Variants in FPR3 observed in about 807,000 individuals in gnomAD.
FPR3 encodes the protein formyl peptide receptor 3.
For missense variants in FPR3, 346 were observed against 443.2 expected (o/e 0.78, Z 1.97); for synonymous variants, 135 against 163.6 (o/e 0.83, Z 1.34).
intron 1 of FPR3, among the ~76,000 whole-genome samples, chr19:51,798,417 C>A (rs1367107927): frequency 2.6e-5 from 4 of 152,084 alleles, no homozygotes; most frequent in Non-Finnish European, 5.9e-5. Context: ...AGCTGAGAAA[C>A]CCTGAGCTAC....
At chr19:51,798,651 A>G (rs541734347) in intron 1 of FPR3, among the ~76,000 whole-genome samples, 1 of 152,206 alleles carries the variant, frequency 6.6e-6, no homozygotes, top group Non-Finnish European at 1.5e-5. Context: ...CTGACTGGCT[A>G]GGTATGATGC....
At chr19:51,812,705 T>C (rs1265345310) in intron 1 of FPR3, among the ~76,000 whole-genome samples, 1 of 152,192 alleles carries the variant, frequency 6.6e-6, no homozygotes, top group Non-Finnish European at 1.5e-5. Context: ...GGTGCAGCAT[T>C]ACATTGAGGA....
chr19:51,805,763 C>A (rs557813525), intron 1 of FPR3, among the ~76,000 whole-genome samples: 1 of 152,150 alleles, frequency 6.6e-6, no homozygotes, highest in Non-Finnish European at 1.5e-5. Context: ...CAGAGGACAT[C>A]ACAACAGAAG....
Position 51,823,689 on chromosome 19 carries a change from T to C in FPR3, c.-10-50T>C, listed in dbSNP as rs868227413. ...CAGTGGAAGTTAATGAATAGTTGTATTGTAAGATGGTGTCACAGCTGAGAA... is the reference window on the plus strand; with the variant it reads ...CAGTGGAAGTTAATGAATAGTTGTACTGTAAGATGGTGTCACAGCTGAGAA... On this transcript the variant is annotated intron_variant, in intron 1 of 1. Transcript: ENST00000339223. The C allele has an allele frequency of 4.4e-6, 6 of 1,370,132 alleles. No individual in the cohort carries two copies. In the Middle Eastern group the frequency reaches 8.2e-4, roughly 188 times the overall value. The allele number at this position is 1,370,132 out of a possible 1,614,324, so 84.9% of individuals were successfully genotyped here.
chr19:51,813,630 A>G (rs991385135), intron 1 of FPR3, among the ~76,000 whole-genome samples: 4 of 151,930 alleles, frequency 2.6e-5, no homozygotes, highest in African/African-American at 9.7e-5. Flanking sequence ...TCCCGGGTTC[A>G]CGCCATTTTC....
intron 1 of FPR3, among the ~76,000 whole-genome samples, chr19:51,802,587 G>GA (rs1008787576): frequency 2.0e-5 from 3 of 152,106 alleles, no homozygotes; most frequent in Non-Finnish European, 4.4e-5. Context: ...AGTGGAAGTG[G>GA]AAAAAAACTA....
chr19:51,812,889 G>A (rs1037731024), intron 1 of FPR3, among the ~76,000 whole-genome samples: 15 of 152,120 alleles, frequency 9.9e-5, no homozygotes, highest in African/African-American at 3.6e-4. Flanking sequence ...GAGAGTCTGA[G>A]GTGGGTGAAT....
intron 1 of FPR3, among the ~76,000 whole-genome samples, chr19:51,812,479 T>C (rs2084104239): frequency 6.6e-6 from 1 of 152,236 alleles, no homozygotes; most frequent in African/African-American, 2.4e-5. Flanking sequence ...GCTAATACTA[T>C]TCAATCAAGA....
intron 1 of FPR3, chr19:51,805,140 T>C (rs2084049949): frequency 6.6e-6 from 1 of 152,216 alleles, no homozygotes; most frequent in Admixed American, 6.5e-5. Context: ...GTTGGTCACG[T>C]CCCATGGGCC....
intron 1 of FPR3, among the ~76,000 whole-genome samples, chr19:51,812,273 G>A (rs764337675): frequency 2.0e-5 from 3 of 152,104 alleles, no homozygotes; most frequent in African/African-American, 4.8e-5. Flanking sequence ...ATTAAAATTT[G>A]TTAAACAAAA....
At position 51,795,893 on chromosome 19, in the gene FPR3, G is replaced by C. The variant is rs1268329927; in HGVS notation, c.-11+562G>C. ...AAGGTGTTTTACTTTTTTAAAAACAGTGGCTACAAAAAAATTTTGAGTCCC... is the reference window on the plus strand; with the variant it reads ...AAGGTGTTTTACTTTTTTAAAAACACTGGCTACAAAAAAATTTTGAGTCCC... On this transcript the variant is annotated intron_variant, in intron 1 of 1. Coordinates refer to ENST00000339223, the MANE Select transcript of FPR3 (RefSeq NM_002030.5). Among the ~76,000 whole-genome samples, 5 of 151,624 alleles carry C rather than the reference G, an allele frequency of 3.3e-5. No homozygotes were observed. The East Asian group carries it at 9.6e-4, about 29-fold the overall frequency.
intron 1 of FPR3, among the ~76,000 whole-genome samples, chr19:51,813,398 C>T (rs1187167132): frequency 6.6e-6 from 1 of 152,012 alleles, no homozygotes; most frequent in African/African-American, 2.4e-5. Context: ...TTGGTATGAG[C>T]AACCTCATTT....
At chr19:51,810,424 T>A (rs1352329845) in intron 1 of FPR3, among the ~76,000 whole-genome samples, 1 of 152,206 alleles carries the variant, frequency 6.6e-6, no homozygotes, top group Admixed American at 6.5e-5. Flanking sequence ...CCTGTGACCC[T>A]TGCATATGTA....
rs751385398 is a variant in FPR3 at position 51,824,890 on chromosome 19, C to T, written c.*80C>T. 20 of 1,065,564 alleles carry T rather than the reference C, an allele frequency of 1.9e-5. No individual in the cohort carries two copies. The highest frequency in any genetic ancestry group is 2.6e-5 in the Non-Finnish European group (19 of 742,502). 66.0% of individuals were successfully genotyped at this position (1,065,564 alleles called of 1,614,324 possible). A position where few individuals can be genotyped will look rare whatever the true frequency, so the allele number is the denominator to read the frequency against. On this transcript the variant is annotated 3_prime_UTR_variant, in exon 2 of 2. Transcript: ENST00000339223. This position sits in a 1 kb window ranked among gnomAD's most constrained non-coding sequence, Gnocchi z 4.7. ...AAAAATTCTGACAGTGTTTTTCTTC[C>T]TCTTTCATACCACCACCACCACAAT... is the stretch of plus-strand genomic sequence containing the variant.
chr19:51,813,569 C>A lies in FPR3; in HGVS notation c.-10-10170C>A, dbSNP rs973058899. Among the ~76,000 whole-genome samples, 7 of 151,916 alleles carry A rather than the reference C, an allele frequency of 4.6e-5. No individual in the cohort carries two copies. In the East Asian group the frequency reaches 1.2e-3, roughly 25 times the overall value. On this transcript the variant is annotated intron_variant, in intron 1 of 1. Coordinates refer to ENST00000339223, the MANE Select transcript of FPR3 (RefSeq NM_002030.5). ...TTTTTGAGACAGAGTCTCACTCTGT[C>A]ACCTAGGCTGGAGTGCAGTGGCGTG...
intron 1 of FPR3, among the ~76,000 whole-genome samples, chr19:51,815,214 G>A (rs1024295237): frequency 6.6e-6 from 1 of 152,082 alleles, no homozygotes; most frequent in Non-Finnish European, 1.5e-5. Flanking sequence ...GGAGCTTTCA[G>A]CCCCACCCAT....
rs957630808 is a variant in FPR3 at position 51,799,282 on chromosome 19, G to A, written c.-11+3951G>A. Among the ~76,000 whole-genome samples the A allele has an allele frequency of 3.9e-5, 6 of 152,162 alleles. No homozygotes were observed. In the East Asian group the frequency reaches 7.7e-4, roughly 20 times the overall value. ...AAACCTCTCGAACTTTAACACTGTCGTCGCCTCATTGAAGCCGCACCCACA... is the reference window on the plus strand; with the variant it reads ...AAACCTCTCGAACTTTAACACTGTCATCGCCTCATTGAAGCCGCACCCACA... On this transcript the variant is annotated intron_variant, in intron 1 of 1. Coordinates refer to ENST00000339223, the MANE Select transcript of FPR3 (RefSeq NM_002030.5).
At chr19:51,815,865 A>AAAAAAAG (rs1343923219) in intron 1 of FPR3, among the ~76,000 whole-genome samples, 11 of 150,708 alleles carry the variant, frequency 7.3e-5, no homozygotes, top group South Asian at 2.1e-4. Context: ...CTGTCTCAAA[A>AAAAAAAG]AAAAAAGAAA....
chr19:51,802,947 C>T (rs1439963445), intron 1 of FPR3, among the ~76,000 whole-genome samples: 1 of 152,100 alleles, frequency 6.6e-6, no homozygotes, highest in African/African-American at 2.4e-5. Flanking sequence ...TGTAAGCTGT[C>T]TGAGGGCAGG....
Sources: allele counts gnomAD v4.1 joint callset (sites outside exome capture counted in the v4.1 genomes callset), GRCh38; gene constraint gnomAD v4.1.1; non-coding constraint Gnocchi (gnomAD v3.1); transcripts MANE v1.5; gene names NCBI Gene and HGNC (gene_info 2026-07-23, HGNC 2026-07-21).